Variants in CYRIB observed in about 807,000 individuals in gnomAD.
The protein encoded by CYRIB is CYFIP related Rac1 interactor B, also known as CYFIP-related Rac1 interactor B.
Under a neutral mutation model 44.2 loss-of-function variants are expected in CYRIB, and 8 were observed. The observed-to-expected ratio is 0.18, with a 90% CI of 0.11 to 0.33. The LOEUF (loss-of-function observed/expected upper bound fraction) is 0.33, where lower values mean the gene tolerates loss of function less well. CYRIB is among the 10% of genes least tolerant of loss of function. The pLI, the probability that CYRIB is intolerant of heterozygous loss-of-function variation, is 1.00. For synonymous variants in CYRIB, 131 were observed against 127.2 expected (o/e 1.03, Z -0.20); for missense variants, 185 against 382.8 (o/e 0.48, Z 4.31).
intron 1 of CYRIB, among the ~76,000 whole-genome samples, chr8:129,993,645 C>G (rs887788369): frequency 2.0e-5 from 3 of 150,646 alleles, no homozygotes; most frequent in African/African-American, 7.3e-5. Flanking sequence ...TGCAGTGAGT[C>G]AAGATCATGC....
chr8:129,926,087 T>C (rs2087549375), intron 1 of CYRIB, among the ~76,000 whole-genome samples: 2 of 152,242 alleles, frequency 1.3e-5, no homozygotes, highest in Admixed American at 6.5e-5. Context: ...TTTAGAAATA[T>C]GCATCTGTTG....
chr8:129,930,458 A>C (rs562250659), intron 1 of CYRIB, among the ~76,000 whole-genome samples: 2 of 147,520 alleles, frequency 1.4e-5, no homozygotes, highest in African/African-American at 2.5e-5. Flanking sequence ...TTTAGTTTTA[A>C]TAAAACACTG....
chr8:129,882,017 A>T lies in CYRIB; in HGVS notation c.-10-2546T>A, dbSNP rs576192875. The stretch of plus-strand genomic sequence containing the variant: ...ATATTTCACAGCTTTAATTTTTAAA[A>T]GCTTTCCAACATATATGGAATGACT... On this transcript the variant is annotated intron_variant, in intron 2 of 11. Transcript: ENST00000519824. 1.7e-4 allele frequency among the ~76,000 whole-genome samples: 26 copies of T among 152,366 alleles called. No individual in the cohort carries two copies. In the South Asian group the frequency reaches 5.2e-3, roughly 30 times the overall value.
At chr8:129,939,546 G>C (rs1210760814) in intron 1 of CYRIB, 1 of 152,126 alleles carries the variant, frequency 6.6e-6, no homozygotes, top group Non-Finnish European at 1.5e-5. Context: ...AAATGGGGTC[G>C]CAGAGCAGGA....
At chr8:129,913,510 C>G (rs1456132974) in intron 1 of CYRIB, among the ~76,000 whole-genome samples, 1 of 152,160 alleles carries the variant, frequency 6.6e-6, no homozygotes, top group Non-Finnish European at 1.5e-5. Flanking sequence ...AGAGTATTTT[C>G]CAGCCACTAT....
chr8:129,872,131 A>G (rs1342807003), intron 3 of CYRIB, among the ~76,000 whole-genome samples: 1 of 152,172 alleles, frequency 6.6e-6, no homozygotes, highest in African/African-American at 2.4e-5. Context: ...TCACTGAACT[A>G]TTCTGCTGAT....
chr8:129,872,051 CT>C (rs549292933), intron 3 of CYRIB, among the ~76,000 whole-genome samples: 1 of 151,978 alleles, frequency 6.6e-6, no homozygotes, highest in Non-Finnish European at 1.5e-5. Context: ...TCGAAAGTGT[CT>C]CAACATATAT....
intron 2 of CYRIB, among the ~76,000 whole-genome samples, chr8:129,957,964 CAAAAA>C (rs371857313): frequency 9.6e-6 from 1 of 103,766 alleles, no homozygotes; most frequent in Non-Finnish European, 2.0e-5. Context: ...GACTCCATCT[CAAAAA>C]AAAAAAAAAA....
chr8:129,845,666 C>T (rs1236347600), intron 11 of CYRIB, among the ~76,000 whole-genome samples: 1 of 152,080 alleles, frequency 6.6e-6, no homozygotes, highest in Non-Finnish European at 1.5e-5. Flanking sequence ...TTCCGCTTAG[C>T]TGAAATGATA....
At chr8:129,978,531 T>C (rs1348288233) in intron 1 of CYRIB, among the ~76,000 whole-genome samples, 1 of 152,234 alleles carries the variant, frequency 6.6e-6, no homozygotes, top group Admixed American at 6.5e-5. Flanking sequence ...GAACAAAAGA[T>C]GCACCTCAAA....
intron 2 of CYRIB, among the ~76,000 whole-genome samples, chr8:129,884,102 T>C (rs2134176021): frequency 1.3e-5 from 2 of 152,268 alleles, no homozygotes; most frequent in South Asian, 4.1e-4. Flanking sequence ...CTTCCATTCA[T>C]TCCCGAGTTC....
chr8:129,900,621 T>C (rs1220543706), intron 2 of CYRIB, among the ~76,000 whole-genome samples: 1 of 152,352 alleles, frequency 6.6e-6, no homozygotes, highest in East Asian at 1.9e-4. Flanking sequence ...ATCTTTCCTA[T>C]GGCAATGATG....
At chr8:129,931,771 C>T (rs553190170) in intron 1 of CYRIB, among the ~76,000 whole-genome samples, 2 of 150,716 alleles carry the variant, frequency 1.3e-5, no homozygotes, top group African/African-American at 4.9e-5. Flanking sequence ...GGATTACAGG[C>T]GTGCACCACC....
intron 1 of CYRIB, among the ~76,000 whole-genome samples, chr8:129,916,043 A>G (rs1465200550): frequency 1.3e-5 from 2 of 152,214 alleles, no homozygotes; most frequent in Non-Finnish European, 2.9e-5. Flanking sequence ...ATTTAAAATC[A>G]TATCTTGTCC....
intron 2 of CYRIB, among the ~76,000 whole-genome samples, chr8:129,898,705 C>T (rs188047563): frequency 6.6e-4 from 101 of 152,296 alleles, no homozygotes; most frequent in African/African-American, 2.4e-3. Context: ...TATTTTTCTT[C>T]TCTTGGTAAT....
At chr8:129,953,198 C>A (rs1209149243) in intron 2 of CYRIB, among the ~76,000 whole-genome samples, 1 of 152,174 alleles carries the variant, frequency 6.6e-6, no homozygotes, top group African/African-American at 2.4e-5. Context: ...AAATAAATGA[C>A]ACGGATGATA....
intron 2 of CYRIB, among the ~76,000 whole-genome samples, chr8:129,945,929 G>C (rs960355216): frequency 2.6e-5 from 4 of 152,142 alleles, no homozygotes; most frequent in Non-Finnish European, 4.4e-5. Flanking sequence ...TCCTAAATCT[G>C]CCAGAGTGAA....
chr8:129,908,010 ATAAG>A lies in CYRIB; in HGVS notation c.-49-4664_-49-4661del, dbSNP rs538629094. 3.0e-3 allele frequency among the ~76,000 whole-genome samples: 459 copies of A among 152,268 alleles called. 1 individual carries two copies. Among genetic ancestry groups the A allele is most frequent in the Non-Finnish European group, 5.1e-3 (347 of 68,010 alleles). ...GAGTAAGACTCTGTTCAAAAAATAAATAAGTAAGTAAATGGTGTTGAAATAACTC... is the reference window on the plus strand; with the variant it reads ...GAGTAAGACTCTGTTCAAAAAATAAATAAGTAAATGGTGTTGAAATAACTC... On this transcript the variant is annotated intron_variant, in intron 1 of 11. Transcript: ENST00000519824.
intron 5 of CYRIB, among the ~76,000 whole-genome samples, chr8:129,856,916 T>C (rs1322486191): frequency 1.3e-5 from 2 of 152,240 alleles, no homozygotes; most frequent in Non-Finnish European, 2.9e-5. Context: ...TCTGTAACTT[T>C]ATAAAACATT....
Sources: allele counts gnomAD v4.1 joint callset (sites outside exome capture counted in the v4.1 genomes callset), GRCh38; gene constraint gnomAD v4.1.1; transcripts MANE v1.5; gene names NCBI Gene and HGNC (gene_info 2026-07-23, HGNC 2026-07-21).